The following SLC35D4 variants were observed in gnomAD, a reference collection of about 807,000 sequenced individuals.
SLC35D4 encodes the protein UDP-N-acetylglucosamine transporter SLC35D4.
chr18:23,413,213 G>A, the SLC35D4 span, among the ~76,000 whole-genome samples: 1 of 152,118 alleles, frequency 6.6e-6, no homozygotes, highest in Non-Finnish European at 1.5e-5. Context: ...GTTCTTCCCA[G>A]CTCTCTGATC....
the SLC35D4 span, among the ~76,000 whole-genome samples, chr18:23,311,312 G>A: frequency 9.5e-3 from 1,446 of 151,582 alleles, 23 homozygotes; most frequent in African/African-American, 0.033. Context: ...GGCTGGTCTT[G>A]AACTCCTGGG....
the SLC35D4 span, among the ~76,000 whole-genome samples, chr18:23,326,016 C>T: frequency 3.9e-5 from 6 of 152,198 alleles, no homozygotes; most frequent in African/African-American, 9.7e-5. Context: ...CTTAGTAACT[C>T]GGTTTATTCA....
chr18:23,388,987 CTTTTT>C, the SLC35D4 span, among the ~76,000 whole-genome samples: 2 of 126,192 alleles, frequency 1.6e-5, no homozygotes, highest in East Asian at 2.2e-4. Context: ...TCAAGTAGTT[CTTTTT>C]TTTTTTTTTT....
chr18:23,341,199 G>T, the SLC35D4 span, among the ~76,000 whole-genome samples: 1 of 152,194 alleles, frequency 6.6e-6, no homozygotes, highest in Non-Finnish European at 1.5e-5. Context: ...TTAAAGAGTT[G>T]CTAAATATTC....
the SLC35D4 span, chr18:23,430,825 A>T: frequency 1.4e-6 from 1 of 711,946 alleles, no homozygotes; most frequent in Non-Finnish European, 2.3e-6. Flanking sequence ...CCAAAATCAC[A>T]AACTGGGCAA....
chr18:23,284,064 T>G, the SLC35D4 span, among the ~76,000 whole-genome samples: 2 of 152,216 alleles, frequency 1.3e-5, no homozygotes, highest in Non-Finnish European at 2.9e-5. Flanking sequence ...GGTGAGAGTG[T>G]GTTTTAGCAT....
chr18:23,262,287 A>G, the SLC35D4 span, among the ~76,000 whole-genome samples: 1 of 152,260 alleles, frequency 6.6e-6, no homozygotes, highest in Non-Finnish European at 1.5e-5. Flanking sequence ...TCCCAAGTAC[A>G]GAGCTAACTT....
the SLC35D4 span, among the ~76,000 whole-genome samples, chr18:23,269,851 G>T: frequency 2.0e-5 from 3 of 152,118 alleles, no homozygotes; most frequent in East Asian, 5.8e-4. Context: ...GATGATTTAG[G>T]GTATCTGGGA....
At chr18:23,304,997 C>T in the SLC35D4 span, among the ~76,000 whole-genome samples, 1 of 152,200 alleles carries the variant, frequency 6.6e-6, no homozygotes, top group South Asian at 2.1e-4. Context: ...TTTGCCCTTC[C>T]TTTGATAACC....
chr18:23,432,914 A>G, the SLC35D4 span, among the ~76,000 whole-genome samples: 1 of 146,546 alleles, frequency 6.8e-6, no homozygotes, highest in African/African-American at 2.5e-5. Context: ...TGGGAGGCAG[A>G]GGTTGCAGTG....
the SLC35D4 span, among the ~76,000 whole-genome samples, chr18:23,281,665 A>C: frequency 5.3e-5 from 8 of 152,284 alleles, no homozygotes; most frequent in Non-Finnish European, 1.5e-5. Context: ...GTGTCTAAGA[A>C]GACACAGGGC....
chr18:23,330,577 A>G, the SLC35D4 span, among the ~76,000 whole-genome samples: 1 of 152,156 alleles, frequency 6.6e-6, no homozygotes, highest in South Asian at 2.1e-4. Flanking sequence ...TCCACACCCC[A>G]GCCCATGCCT....
the SLC35D4 span, among the ~76,000 whole-genome samples, chr18:23,305,087 AC>A: frequency 6.6e-6 from 1 of 152,216 alleles, no homozygotes; most frequent in African/African-American, 2.4e-5. Context: ...AAGATGTTTA[AC>A]TGATTGATAT....
At chr18:23,407,577 T>TCACA in the SLC35D4 span, among the ~76,000 whole-genome samples, 28,548 of 150,968 alleles carry the variant, frequency 0.19, 3,986 homozygotes, top group African/African-American at 0.35. Context: ...TCTCTTTATC[T>TCACA]CACACACACA....
At chr18:23,269,194 A>C in the SLC35D4 span, among the ~76,000 whole-genome samples, 1 of 152,298 alleles carries the variant, frequency 6.6e-6, no homozygotes, top group South Asian at 2.1e-4. Flanking sequence ...AGCTCCCATA[A>C]TCCCCATGTG....
At chr18:23,405,307 C>T in the SLC35D4 span, among the ~76,000 whole-genome samples, 1 of 152,198 alleles carries the variant, frequency 6.6e-6, no homozygotes, top group East Asian at 1.9e-4. Flanking sequence ...CTTGCCTCAA[C>T]CTCCCGAGTA....
chr18:23,298,236 C>T, the SLC35D4 span, among the ~76,000 whole-genome samples: 1 of 152,224 alleles, frequency 6.6e-6, no homozygotes, highest in East Asian at 1.9e-4. Flanking sequence ...TCCTATCCCT[C>T]AGGGCAGACC....
chr18:23,297,864 T>C, the SLC35D4 span: 1 of 930,528 alleles, frequency 1.1e-6, no homozygotes, highest in Admixed American at 2.1e-5. Flanking sequence ...GTGAGGGTGA[T>C]GGCACTGCCC....
chr18:23,352,317 G>T, the SLC35D4 span: 45 of 1,585,282 alleles, frequency 2.8e-5, no homozygotes, highest in South Asian at 1.2e-4. Context: ...TCTCTTGTTA[G>T]TGAGGCTTGT....
Sources: allele counts gnomAD v4.1 joint callset (sites outside exome capture counted in the v4.1 genomes callset), GRCh38; gene constraint gnomAD v4.1.1; transcripts MANE v1.5; gene names NCBI Gene and HGNC (gene_info 2026-07-23, HGNC 2026-07-21).